The following PACRG variants were observed in gnomAD, a reference collection of about 807,000 sequenced individuals.
PACRG encodes parkin coregulated, also known as parkin coregulated gene protein.
A neutral mutation model predicts 29.7 loss-of-function variants in PACRG; 29 were observed. That is an observed-to-expected ratio of 0.98 (90% CI 0.73 to 1.33). The LOEUF (loss-of-function observed/expected upper bound fraction) is 1.33. Ranked by LOEUF, PACRG falls within the 40% of genes most tolerant of loss-of-function variation. The probability of loss-of-function intolerance (pLI) is 0.00; values close to 1 mark genes in which losing one functional copy is unlikely to be tolerated. For synonymous variants in PACRG, 116 were observed against 118.7 expected (o/e 0.98, Z 0.15); for missense variants, 279 against 316.2 (o/e 0.88, Z 0.89).
intron 4 of PACRG, among the ~76,000 whole-genome samples, chr6:163,185,581 A>G (rs1469861635): frequency 6.6e-6 from 1 of 152,212 alleles, no homozygotes; most frequent in Non-Finnish European, 1.5e-5. Context: ...GAGTGCCCAC[A>G]ATATAAATGG....
chr6:162,729,865 C>T (rs946413478), intron 1 of PACRG, among the ~76,000 whole-genome samples: 9 of 151,724 alleles, frequency 5.9e-5, no homozygotes, highest in African/African-American at 2.2e-4. Context: ...ATAAGTATGC[C>T]TACATGACTT....
rs1780337588 is a variant in PACRG at position 163,193,984 on chromosome 6, C to T, written c.613+104576C>T. Among the ~76,000 whole-genome samples, 7 of 151,296 alleles carry T rather than the reference C, an allele frequency of 4.6e-5. 1 individual carries two copies. In the South Asian group the frequency reaches 1.5e-3, roughly 31 times the overall value. The stretch of plus-strand genomic sequence containing the variant: ...CTCGGCTCAGTGCAACCTCCACCTC[C>T]TGGGTTCAAGCGATTCTCCTGCCTC... On this transcript the variant is annotated intron_variant, in intron 4 of 4. Transcript: ENST00000366888.
chr6:163,068,129 C>T (rs896559732), intron 3 of PACRG, among the ~76,000 whole-genome samples: 12 of 152,148 alleles, frequency 7.9e-5, no homozygotes, highest in Non-Finnish European at 1.3e-4. Context: ...CCTGTTACTC[C>T]TTTTTTATGT....
intron 2 of PACRG, among the ~76,000 whole-genome samples, chr6:163,050,437 A>T (rs776249876): frequency 2.0e-5 from 3 of 152,034 alleles, no homozygotes; most frequent in African/African-American, 4.8e-5. Flanking sequence ...CGCCATATTG[A>T]TGATTTAAAA....
intron 3 of PACRG, among the ~76,000 whole-genome samples, chr6:163,075,724 GA>G (rs1321278850): frequency 6.6e-6 from 1 of 152,204 alleles, no homozygotes; most frequent in Non-Finnish European, 1.5e-5. Context: ...ACTGAGAATA[GA>G]AAGGAATTCC....
At chr6:162,951,675 T>A (rs967021) in intron 2 of PACRG, among the ~76,000 whole-genome samples, 136,748 of 152,250 alleles carry the variant, frequency 0.9, 61,680 homozygotes, top group Middle Eastern at 0.97. Context: ...TGTTTTGTCT[T>A]TCAGCTGGGG....
At chr6:163,165,181 G>A (rs1778740623) in intron 4 of PACRG, among the ~76,000 whole-genome samples, 1 of 152,244 alleles carries the variant, frequency 6.6e-6, no homozygotes, top group Non-Finnish European at 1.5e-5. Flanking sequence ...AAGGTCTGAT[G>A]AAGAAAAGCC....
At chr6:163,178,233 T>C (rs887932121) in intron 4 of PACRG, among the ~76,000 whole-genome samples, 1 of 152,124 alleles carries the variant, frequency 6.6e-6, no homozygotes, top group East Asian at 1.9e-4. Flanking sequence ...CCTTGTTGCC[T>C]CATGAGCACG....
intron 4 of PACRG, among the ~76,000 whole-genome samples, chr6:163,306,201 T>C (rs1465858131): frequency 6.6e-6 from 1 of 152,252 alleles, no homozygotes; most frequent in Non-Finnish European, 1.5e-5. Context: ...TTGTTGTTAT[T>C]ATTACTCCAC....
In PACRG at chr6:163,247,506, A is replaced by G. The variant is rs532156441; in HGVS notation, c.614-67321A>G. Among the ~76,000 whole-genome samples, 18 of 152,344 alleles carry G rather than the reference A, an allele frequency of 1.2e-4. No individual in the cohort carries two copies. The East Asian group carries it at 3.5e-3, about 29-fold the overall frequency. Reference sequence around the variant, plus strand: ...CATCATGATGGATCTTCTGTCACATATAGATTGTGAAGTTCAGGAGTTGGT... The same window carrying G: ...CATCATGATGGATCTTCTGTCACATGTAGATTGTGAAGTTCAGGAGTTGGT... On this transcript the variant is annotated intron_variant, in intron 4 of 4. Coordinates refer to ENST00000366888, the MANE Select transcript of PACRG (RefSeq NM_001080379.2).
chr6:163,269,841 G>T (rs866410345), intron 4 of PACRG, among the ~76,000 whole-genome samples: 1 of 65,296 alleles, frequency 1.5e-5, no homozygotes, highest in African/African-American at 7.8e-5. Context: ...GAAAGAAAAA[G>T]AAAGAAAGAA....
intron 2 of PACRG, among the ~76,000 whole-genome samples, chr6:162,938,230 C>G (rs767166440): frequency 6.6e-6 from 1 of 152,156 alleles, no homozygotes; most frequent in Non-Finnish European, 1.5e-5. Context: ...GCCATTAATT[C>G]ATTCCTTTTT....
chr6:163,227,665 A>C (rs1781858790), intron 4 of PACRG, among the ~76,000 whole-genome samples: 1 of 152,178 alleles, frequency 6.6e-6, no homozygotes, highest in South Asian at 2.1e-4. Context: ...GATGGGGACT[A>C]CAAAGCTTTA....
chr6:162,928,493 A>G lies in PACRG; in HGVS notation c.291+114212A>G, dbSNP rs147502597. On this transcript the variant is annotated intron_variant, in intron 2 of 4. Transcript: ENST00000366888. ...TTTAAATTTTTTGTATTGATACATA[A>G]TAGATTTGCATATTTTCTGGGTACA... Among the ~76,000 whole-genome samples, 381 of 152,120 alleles carry G rather than the reference A, an allele frequency of 2.5e-3. 5 individuals are homozygous for G. Among genetic ancestry groups the G allele is most frequent in the African/African-American group, 8.3e-3 (343 of 41,540 alleles).
intron 1 of PACRG, among the ~76,000 whole-genome samples, chr6:162,773,493 C>CTT (rs1562582605): frequency 9.7e-5 from 8 of 82,728 alleles, no homozygotes; most frequent in African/African-American, 1.4e-4. Flanking sequence ...TACAGCTTGT[C>CTT]ATTTTTTTTT....
chr6:163,189,452 T>C (rs1484963501), intron 4 of PACRG: 1 of 152,250 alleles, frequency 6.6e-6, no homozygotes, highest in Non-Finnish European at 1.5e-5. Flanking sequence ...ACATAACCTA[T>C]TGGAGAATAA....
intron 4 of PACRG, among the ~76,000 whole-genome samples, chr6:163,267,334 A>G (rs765182949): frequency 6.6e-6 from 1 of 152,180 alleles, no homozygotes; most frequent in Non-Finnish European, 1.5e-5. Flanking sequence ...GAAACTATTG[A>G]ATGCCTACTA....
intron 2 of PACRG, among the ~76,000 whole-genome samples, chr6:162,878,858 C>G (rs754808288): frequency 1.3e-5 from 2 of 152,106 alleles, no homozygotes; most frequent in Non-Finnish European, 2.9e-5. Flanking sequence ...GAGTGAATAA[C>G]TATGGTGACA....
intron 2 of PACRG, among the ~76,000 whole-genome samples, chr6:162,834,843 C>T (rs1442862406): frequency 1.3e-5 from 2 of 151,888 alleles, no homozygotes; most frequent in Non-Finnish European, 1.5e-5. Context: ...TGTCCTAATG[C>T]CAAACCAAAA....
Sources: allele counts gnomAD v4.1 joint callset (sites outside exome capture counted in the v4.1 genomes callset), GRCh38; gene constraint gnomAD v4.1.1; transcripts MANE v1.5; gene names NCBI Gene and HGNC (gene_info 2026-07-23, HGNC 2026-07-21).